The following PHYH variants were observed in gnomAD, a reference collection of about 807,000 sequenced individuals.
The protein encoded by PHYH is phytanoyl-CoA dioxygenase, peroxisomal.
Under a neutral mutation model 38.5 loss-of-function variants are expected in PHYH, and 32 were observed. The ratio of observed to expected loss-of-function variants is 0.83; its 90% CI spans 0.63 to 1.12. PHYH has a LOEUF of 1.12. Among genes scored for constraint, PHYH ranks in the 50% most tolerant of loss-of-function variants. PHYH has a pLI of 0.00. For synonymous variants in PHYH, 166 were observed against 157.9 expected, an observed-to-expected ratio of 1.05 and a Z score of -0.38; for missense variants, 426 against 434.8, an observed-to-expected ratio of 0.98 and a Z score of 0.18.
chr10:13,288,922 CAAAAAAAAAA>C (rs36019637), intron 5 of PHYH, among the ~76,000 whole-genome samples: 2 of 40,924 alleles, frequency 4.9e-5, no homozygotes, highest in African/African-American at 1.1e-4. Flanking sequence ...CACCCCCAAC[CAAAAAAAAAA>C]AAAAAAAAAA....
intron 2 of PHYH, among the ~76,000 whole-genome samples, chr10:13,296,610 T>C (rs1043495472): frequency 2.1e-5 from 3 of 144,832 alleles, no homozygotes; most frequent in African/African-American, 7.7e-5. Flanking sequence ...AAAAATTAAC[T>C]AGTGACACTA....
At chr10:13,289,582 T>A (rs117566813) in intron 5 of PHYH, among the ~76,000 whole-genome samples, 1 of 152,128 alleles carries the variant, frequency 6.6e-6, no homozygotes, top group Non-Finnish European at 1.5e-5. Flanking sequence ...ATTAATTACA[T>A]TGAAGAGAGT....
intron 6 of PHYH, among the ~76,000 whole-genome samples, chr10:13,286,605 G>A (rs1213923874): frequency 6.6e-6 from 1 of 151,592 alleles, no homozygotes; most frequent in African/African-American, 2.4e-5. Context: ...GGAGGCTGAG[G>A]CAGGAAAATT....
intron 8 of PHYH, among the ~76,000 whole-genome samples, chr10:13,280,469 T>C (rs1043808142): frequency 1.8e-4 from 27 of 152,192 alleles, no homozygotes; most frequent in Non-Finnish European, 3.8e-4. Flanking sequence ...TTCGAGTAGC[T>C]GGGACTACAG....
intron 6 of PHYH, among the ~76,000 whole-genome samples, chr10:13,287,833 A>G (rs1042931075): frequency 2.0e-5 from 3 of 152,056 alleles, no homozygotes; most frequent in Non-Finnish European, 4.4e-5. Context: ...AGGACTTACA[A>G]TCTCGGATCC....
intron 6 of PHYH, 56 bp from the exon 7 acceptor site, chr10:13,283,895 T>G: frequency 7.2e-7 from 1 of 1,396,340 alleles, no homozygotes; most frequent in Non-Finnish European, 1.0e-6. Flanking sequence ...ATTAAAAACA[T>G]TGTCAATGGT....
At chr10:13,291,796 T>A in intron 5 of PHYH, 35 bp downstream of exon 5, 1 of 1,459,056 alleles carries the variant, frequency 6.9e-7, no homozygotes, top group Non-Finnish European at 9.6e-7. Flanking sequence ...CACATTTTAA[T>A]GAAACCATTT....
Position 13,288,283 on chromosome 10 carries a change from A to G in PHYH, c.678+77T>C, listed in dbSNP as rs2131640341. The G allele has an allele frequency of 2.4e-6, 3 of 1,268,872 alleles. No homozygotes were observed. The South Asian group carries it at 3.6e-5, about 15-fold the overall frequency. 78.6% of individuals were successfully genotyped at this position (1,268,872 alleles called of 1,614,324 possible). ...AAAGGAAATGCCATCTCATTTGTAA[A>G]CTCTTTAGAGGTACTGATGTGAAAC... On this transcript the variant is annotated intron_variant, in intron 6 of 8. Transcript: ENST00000263038.
At chr10:13,280,372 ACT>A (rs1835384332) in intron 8 of PHYH, among the ~76,000 whole-genome samples, 1 of 144,070 alleles carries the variant, frequency 6.9e-6, no homozygotes, top group South Asian at 2.2e-4. Context: ...ACATGGTCTC[ACT>A]CTGTCACCCA....
chr10:13,294,671 G>A (rs192988474), intron 3 of PHYH, 75 bp from the exon 4 acceptor site: 2 of 1,338,892 alleles, frequency 1.5e-6, no homozygotes, highest in Non-Finnish European at 2.1e-6. Flanking sequence ...CTGTGGAAAG[G>A]GTTGCAGACT....
intron 6 of PHYH, among the ~76,000 whole-genome samples, chr10:13,286,358 G>A (rs1835549360): frequency 6.6e-6 from 1 of 152,060 alleles, no homozygotes; most frequent in Non-Finnish European, 1.5e-5. Context: ...CAGCTGAATG[G>A]ATGAACAAAC....
chr10:13,292,574 TG>T (rs564284706), intron 4 of PHYH, among the ~76,000 whole-genome samples: 1 of 152,194 alleles, frequency 6.6e-6, no homozygotes, highest in Admixed American at 6.5e-5. Flanking sequence ...TCGTGGGGCC[TG>T]GGAGCTGGGC....
intron 4 of PHYH, 45 bp from the exon 5 acceptor site, chr10:13,291,957 AG>A: frequency 7.4e-7 from 1 of 1,358,446 alleles, no homozygotes; most frequent in Admixed American, 1.7e-5. Context: ...GTGGGAAATC[AG>A]AAGTATTGAC....
At chr10:13,283,131 A>T (rs868499044) in intron 7 of PHYH, among the ~76,000 whole-genome samples, 7 of 117,900 alleles carry the variant, frequency 5.9e-5, no homozygotes, top group East Asian at 4.8e-4. Flanking sequence ...TTCATAATCA[A>T]TTTTTTTTTT....
chr10:13,289,419 T>A (rs1279417885), intron 5 of PHYH, among the ~76,000 whole-genome samples: 11 of 152,030 alleles, frequency 7.2e-5, no homozygotes. Context: ...ATGGTCTTGA[T>A]CTCCTGACCT....
intron 3 of PHYH, 127 bp from the exon 4 acceptor site, chr10:13,294,723 G>C (rs1039417205): frequency 5.4e-6 from 4 of 745,402 alleles, no homozygotes; most frequent in Admixed American, 2.0e-5. Flanking sequence ...TCCAGCTTGA[G>C]GTAGAATAAT....
chr10:13,286,503 C>T (rs1468975722), intron 6 of PHYH, among the ~76,000 whole-genome samples: 2 of 151,970 alleles, frequency 1.3e-5, no homozygotes, highest in South Asian at 2.1e-4. Flanking sequence ...GAGATCGAGA[C>T]CATCCTGGCC....
rs564597806 is a variant in PHYH, at chr10:13,286,150, G to A, written c.678+2210C>T. 8.5e-5 allele frequency among the ~76,000 whole-genome samples: 13 copies of A among 152,126 alleles called. No homozygotes were observed. The South Asian group carries it at 1.9e-3, about 22-fold the overall frequency. On this transcript the variant is annotated intron_variant, in intron 6 of 8. Coordinates refer to ENST00000263038, the MANE Select transcript of PHYH (RefSeq NM_006214.4). ...TGGTCCTGAACTCCTGGGCTCAAGC[G>A]ATCCTCCCACTTTGGCTCCCACAGG... is the stretch of plus-strand genomic sequence containing the variant.
chr10:13,287,101 G>T (rs1181651805), intron 6 of PHYH, among the ~76,000 whole-genome samples: 1 of 152,162 alleles, frequency 6.6e-6, no homozygotes, highest in Admixed American at 6.5e-5. Context: ...AGCACTTTGG[G>T]AGGCAGAGGT....
Sources: gnomAD v4.1 joint callset for allele counts (sites outside exome capture counted in the v4.1 genomes callset) on GRCh38, gnomAD v4.1.1 for gene constraint, MANE v1.5 for transcripts, NCBI Gene and HGNC (gene_info 2026-07-23, HGNC 2026-07-21) for gene names.